RABGAP1L: variants seen among roughly 807,000 people sequenced by gnomAD.
RABGAP1L encodes the protein RAB GTPase activating protein 1 like, also known as rab GTPase-activating protein 1-like.
Under a neutral mutation model 137.7 loss-of-function variants are expected in RABGAP1L, and 63 were observed. The observed-to-expected ratio is 0.46, with a 90% CI of 0.37 to 0.56. RABGAP1L has a LOEUF of 0.56. Among genes scored for constraint, RABGAP1L ranks in the 20% least tolerant of loss-of-function variants. The pLI, the probability that RABGAP1L is intolerant of heterozygous loss-of-function variation, is 0.00. For missense variants in RABGAP1L, 1,095 were observed against 1,244.0 expected (o/e 0.88, Z 1.80); for synonymous variants, 431 against 433.7 (o/e 0.99, Z 0.08).
At chr1:174,637,519 T>G in intron 14 of RABGAP1L, 31 bp downstream of exon 14, 2 of 1,457,262 alleles carry the variant, frequency 1.4e-6, no homozygotes, top group Non-Finnish European at 9.6e-7. Context: ...TTTTCTAAAT[T>G]ATTTTACAGA....
chr1:174,601,123 C>T (rs906249579), intron 13 of RABGAP1L, among the ~76,000 whole-genome samples: 1 of 152,238 alleles, frequency 6.6e-6, no homozygotes, highest in South Asian at 2.1e-4. Context: ...AAGCCACAGC[C>T]TGAGCTGTAC....
chr1:174,359,705 A>AT (rs933175182), intron 11 of RABGAP1L, among the ~76,000 whole-genome samples: 1 of 152,226 alleles, frequency 6.6e-6, no homozygotes, highest in Admixed American at 6.5e-5. Context: ...TTGACTCTGG[A>AT]TTCAAACACA....
At chr1:174,779,971 C>A (rs867133597) in intron 18 of RABGAP1L, among the ~76,000 whole-genome samples, 35 of 151,896 alleles carry the variant, frequency 2.3e-4, no homozygotes, top group Middle Eastern at 3.4e-3. Context: ...GAGGCTGAGG[C>A]AGGAGAATTG....
At chr1:174,502,265 A>G (rs1330986117) in intron 13 of RABGAP1L, among the ~76,000 whole-genome samples, 1 of 151,760 alleles carries the variant, frequency 6.6e-6, no homozygotes, top group African/African-American at 2.4e-5. Context: ...TACATAGGCA[A>G]TAATTGACAG....
intron 19 of RABGAP1L, chr1:174,935,122 T>G (rs1213930395): frequency 6.6e-6 from 1 of 152,196 alleles, no homozygotes; most frequent in Non-Finnish European, 1.5e-5. Flanking sequence ...AAGGGATAAT[T>G]AGGACACAGA....
At chr1:174,894,960 T>C (rs1656887186) in intron 19 of RABGAP1L, among the ~76,000 whole-genome samples, 2 of 152,264 alleles carry the variant, frequency 1.3e-5, no homozygotes, top group South Asian at 2.1e-4. Flanking sequence ...TTTCACCATG[T>C]TGGCCACGCT....
chr1:174,926,395 TC>T (rs750905670), intron 19 of RABGAP1L, among the ~76,000 whole-genome samples: 1 of 152,206 alleles, frequency 6.6e-6, no homozygotes, highest in Non-Finnish European at 1.5e-5. Context: ...TTCATATAGT[TC>T]AGTCTCCCCA....
chr1:174,232,305 C>T (rs547578204), intron 4 of RABGAP1L, among the ~76,000 whole-genome samples: 32 of 151,770 alleles, frequency 2.1e-4, no homozygotes, highest in Non-Finnish European at 3.4e-4. Flanking sequence ...GTCAGGAGTT[C>T]GAAACCAGCC....
chr1:174,434,000 C>A (rs1175306208), intron 13 of RABGAP1L, among the ~76,000 whole-genome samples: 5 of 151,954 alleles, frequency 3.3e-5, no homozygotes, highest in African/African-American at 1.2e-4. Flanking sequence ...ATGTGTGTAA[C>A]CACATGTATC....
chr1:174,400,714 G>C (rs1648470017), intron 13 of RABGAP1L, among the ~76,000 whole-genome samples: 1 of 151,964 alleles, frequency 6.6e-6, no homozygotes, highest in Non-Finnish European at 1.5e-5. Context: ...TTTTGCCAGG[G>C]AGGAGGTGGC....
intron 17 of RABGAP1L, among the ~76,000 whole-genome samples, chr1:174,712,295 G>C (rs1200856743): frequency 3.9e-5 from 6 of 152,218 alleles, no homozygotes; most frequent in Non-Finnish European, 8.8e-5. Context: ...TTTTGTTGCT[G>C]CTCAGTCTTT....
chr1:174,951,493 T>C (rs1221254915), intron 19 of RABGAP1L, among the ~76,000 whole-genome samples: 1 of 152,232 alleles, frequency 6.6e-6, no homozygotes, highest in Admixed American at 6.5e-5. Flanking sequence ...TAGTGGCAAT[T>C]ACTGCTAACC....
chr1:174,885,055 A>C (rs1654847111), intron 19 of RABGAP1L, among the ~76,000 whole-genome samples: 1 of 152,184 alleles, frequency 6.6e-6, no homozygotes, highest in Non-Finnish European at 1.5e-5. Flanking sequence ...CAGATTACTT[A>C]ATCTCAAACC....
chr1:174,962,962 G>C (rs962110758), intron 20 of RABGAP1L, among the ~76,000 whole-genome samples: 1 of 152,084 alleles, frequency 6.6e-6, no homozygotes, highest in Admixed American at 6.6e-5. Context: ...GCTGGGTGTG[G>C]TGGCACATAA....
chr1:174,819,054 A>G (rs1483750732), intron 19 of RABGAP1L, among the ~76,000 whole-genome samples: 2 of 151,866 alleles, frequency 1.3e-5, no homozygotes, highest in African/African-American at 4.8e-5. Context: ...ATGGTGGCAC[A>G]TGCCGGGAGT....
rs1449597874 is a variant in RABGAP1L at position 174,990,029 on chromosome 1, C to T, written c.*28C>T. On this transcript the variant is annotated 3_prime_UTR_variant, in exon 26 of 26. Transcript: ENST00000681986. The stretch of plus-strand genomic sequence containing the variant: ...CCAGCCTTACCCAAGCACAAGAGCA[C>T]AATGTTCAAACCAATGGAAATCTGG... 6.6e-7 allele frequency: 1 copy of T among 1,506,976 alleles called. No individual in the cohort carries two copies. The highest frequency in any genetic ancestry group is 1.2e-5 in the South Asian group (1 of 82,766). The allele number at this position is 1,506,976 out of a possible 1,614,324, so 93.4% of individuals were successfully genotyped here.
At chr1:174,850,987 G>T (rs1648217255) in intron 19 of RABGAP1L, among the ~76,000 whole-genome samples, 1 of 152,182 alleles carries the variant, frequency 6.6e-6, no homozygotes, top group Admixed American at 6.5e-5. Flanking sequence ...CCAAATCCTT[G>T]CAACCTCAAG....
chr1:174,263,266 T>C (rs750545721), intron 7 of RABGAP1L, among the ~76,000 whole-genome samples: 7 of 152,214 alleles, frequency 4.6e-5, no homozygotes, highest in South Asian at 2.1e-4. Flanking sequence ...TTGCTATTCA[T>C]TGGGCTGTAA....
intron 13 of RABGAP1L, among the ~76,000 whole-genome samples, chr1:174,476,849 C>T (rs1658558543): frequency 6.6e-6 from 1 of 152,144 alleles, no homozygotes; most frequent in South Asian, 2.1e-4. Flanking sequence ...AGAAGCATTT[C>T]CTTGGGGCTT....
Sources: allele counts gnomAD v4.1 joint callset (sites outside exome capture counted in the v4.1 genomes callset), GRCh38; gene constraint gnomAD v4.1.1; transcripts MANE v1.5; gene names NCBI Gene and HGNC (gene_info 2026-07-23, HGNC 2026-07-21).